Variants in RBFOX1 observed in about 807,000 individuals in gnomAD.
RBFOX1 encodes the protein RNA binding fox-1 homolog 1.
RBFOX1 carries 8 observed loss-of-function variants against 57.7 expected under a neutral mutation model. That is an observed-to-expected ratio of 0.14 (90% CI 0.08 to 0.25). The LOEUF (loss-of-function observed/expected upper bound fraction) is 0.25. Among genes scored for constraint, RBFOX1 ranks in the 10% least tolerant of loss-of-function variants. The probability of loss-of-function intolerance (pLI) is 1.00; values close to 1 mark genes in which losing one functional copy is unlikely to be tolerated. For missense variants in RBFOX1, 611 were observed against 548.5 expected, an observed-to-expected ratio of 1.11 and a Z score of -1.14; for synonymous variants, 326 against 222.4, an observed-to-expected ratio of 1.47 and a Z score of -4.15.
In RBFOX1 at chr16:7,147,268, G is replaced by C. The variant is rs989013051; in HGVS notation, c.27+95170G>C. The stretch of plus-strand genomic sequence containing the variant: ...GATCCGCCCACCTCAGCCTCCCAAA[G>C]TGCTGGGATTACAGGCATGAGCCAC... On this transcript the variant is annotated intron_variant, in intron 4 of 15. Coordinates refer to ENST00000550418, the MANE Select transcript of RBFOX1 (RefSeq NM_018723.4). Among the ~76,000 whole-genome samples, 31 of 151,516 alleles carry C rather than the reference G, an allele frequency of 2.0e-4. No individual in the cohort carries two copies. In the South Asian group the frequency reaches 6.5e-3, roughly 32 times the overall value.
chr16:6,068,314 C>T (rs1230480062), intron 1 of RBFOX1, among the ~76,000 whole-genome samples: 2 of 152,160 alleles, frequency 1.3e-5, no homozygotes, highest in African/African-American at 4.8e-5. Flanking sequence ...ACTAACACAG[C>T]CTTCTGTAAC....
chr16:6,052,421 A>G (rs943423801), intron 1 of RBFOX1, among the ~76,000 whole-genome samples: 5 of 152,104 alleles, frequency 3.3e-5, no homozygotes, highest in Non-Finnish European at 7.3e-5. Flanking sequence ...TTATTTCTTT[A>G]ACGCACAGTT....
intron 3 of RBFOX1, among the ~76,000 whole-genome samples, chr16:7,004,913 G>T (rs1408660621): frequency 6.6e-6 from 1 of 152,126 alleles, no homozygotes; most frequent in Non-Finnish European, 1.5e-5. Context: ...ACTTTGTAAG[G>T]TGGGCCGATC....
At chr16:5,433,191 T>C (rs1193058487) in intron 1 of RBFOX1, among the ~76,000 whole-genome samples, 3 of 152,162 alleles carry the variant, frequency 2.0e-5, no homozygotes, top group East Asian at 3.9e-4. Flanking sequence ...CTGAGGCCCA[T>C]GTTTTTCTTT....
intron 4 of RBFOX1, among the ~76,000 whole-genome samples, chr16:7,219,795 A>G (rs1045312796): frequency 3.3e-5 from 5 of 152,186 alleles, no homozygotes; most frequent in African/African-American, 4.8e-5. Flanking sequence ...TTTGTTCTCT[A>G]TGTTTGTGAT....
chr16:7,404,942 G>C (rs746295049), intron 4 of RBFOX1, among the ~76,000 whole-genome samples: 5 of 152,100 alleles, frequency 3.3e-5, no homozygotes, highest in African/African-American at 9.7e-5. Context: ...GTAGGTCCTC[G>C]TTTCTCATGT....
At chr16:6,681,040 A>G (rs1011613500) in intron 3 of RBFOX1, among the ~76,000 whole-genome samples, 10 of 152,154 alleles carry the variant, frequency 6.6e-5, no homozygotes, top group African/African-American at 2.4e-4. Flanking sequence ...GCTGGGCATG[A>G]TGGCTCACAC....
At chr16:7,630,561 C>T (rs764739994) in intron 10 of RBFOX1, 42 bp from the exon 11 acceptor site, 4 of 1,611,694 alleles carry the variant, frequency 2.5e-6, no homozygotes, top group South Asian at 2.2e-5. Context: ...GTGTAGTGTA[C>T]CGATTCCCAA....
chr16:7,538,971 G>A (rs922796341), intron 5 of RBFOX1, among the ~76,000 whole-genome samples: 1 of 151,442 alleles, frequency 6.6e-6, no homozygotes, highest in African/African-American at 2.4e-5. Flanking sequence ...ACACACTTCA[G>A]TGGTGGCTGA....
rs560504325 is a variant in RBFOX1, at chr16:7,087,061, C to T, written c.27+34963C>T. Among the ~76,000 whole-genome samples, 3 of 152,270 alleles carry T rather than the reference C, an allele frequency of 2.0e-5. No individual in the cohort carries two copies. The South Asian group carries it at 6.2e-4, about 32-fold the overall frequency. On this transcript the variant is annotated intron_variant, in intron 4 of 15. Coordinates refer to ENST00000550418, the MANE Select transcript of RBFOX1 (RefSeq NM_018723.4). ...CGTGGCGTCGGTAGATGGCTGTAGA[C>T]AAGTGTGCTGAGCTGTGCGGTGTGA...
At chr16:5,898,456 G>C (rs1370401558) in intron 4 of RBFOX1, among the ~76,000 whole-genome samples, 1 of 151,452 alleles carries the variant, frequency 6.6e-6, no homozygotes, top group Non-Finnish European at 1.5e-5. Flanking sequence ...CTGGCCTAGA[G>C]AATAATCCAC....
chr16:6,034,468 C>T (rs1035570309), intron 1 of RBFOX1, among the ~76,000 whole-genome samples: 76 of 151,858 alleles, frequency 5.0e-4, no homozygotes, highest in African/African-American at 1.6e-3. Context: ...GAGGGATGCC[C>T]GCTCTGCATC....
At chr16:6,085,517 C>T (rs916727204) in intron 1 of RBFOX1, among the ~76,000 whole-genome samples, 3 of 152,158 alleles carry the variant, frequency 2.0e-5, no homozygotes, top group Non-Finnish European at 2.9e-5. Context: ...GTGATCTGCC[C>T]GCCTCGGCCT....
Position 6,039,149 on chromosome 16 carries a change from C to T in RBFOX1, c.-127+19157C>T, listed in dbSNP as rs191047575. On this transcript the variant is annotated intron_variant, in intron 1 of 15. Coordinates refer to ENST00000550418, the MANE Select transcript of RBFOX1 (RefSeq NM_018723.4). ...CAGTGGGTTGAAATCAGTGGAAAAC[C>T]AGCTGGGATGCATGAGAGGGCATTT... 3.3e-5 allele frequency among the ~76,000 whole-genome samples: 5 copies of T among 151,476 alleles called. No homozygotes were observed. In the East Asian group the frequency reaches 9.8e-4, roughly 30 times the overall value.
chr16:6,693,991 G>T (rs144647322), intron 3 of RBFOX1, among the ~76,000 whole-genome samples: 43 of 152,312 alleles, frequency 2.8e-4, no homozygotes, highest in African/African-American at 1.0e-3. Flanking sequence ...TAACTATAAA[G>T]ATTACTTTGT....
chr16:6,717,126 C>G (rs934004444), intron 3 of RBFOX1, among the ~76,000 whole-genome samples: 9 of 152,108 alleles, frequency 5.9e-5, no homozygotes, highest in African/African-American at 1.9e-4. Context: ...TTCCTAGACT[C>G]TAGAACCGTG....
At position 5,495,863 on chromosome 16, in the gene RBFOX1, C is replaced by T. The variant is rs535180483; in HGVS notation, c.258+28609C>T. 4.0e-4 allele frequency among the ~76,000 whole-genome samples: 61 copies of T among 152,358 alleles called. 1 individual carries two copies. The South Asian group carries it at 7.5e-3, about 19-fold the overall frequency. The stretch of plus-strand genomic sequence containing the variant: ...ATTAAGGGCTGAGCATGGTGGCTCA[C>T]GCCTGTAATCCCGGCACTGTGGGAG... On this transcript the variant is annotated intron_variant, in intron 2 of 2. Transcript: ENST00000585867.
At chr16:6,186,127 T>C (rs186878204) in intron 1 of RBFOX1, among the ~76,000 whole-genome samples, 2 of 152,342 alleles carry the variant, frequency 1.3e-5, no homozygotes, top group Admixed American at 1.3e-4. Context: ...ATTCATTTTT[T>C]TGGCTGTGAT....
At chr16:5,424,146 C>T (rs1276083863) in intron 1 of RBFOX1, among the ~76,000 whole-genome samples, 1 of 152,182 alleles carries the variant, frequency 6.6e-6, no homozygotes, top group Non-Finnish European at 1.5e-5. Flanking sequence ...GGTTAATAAA[C>T]TAAAGAGCTG....
Sources: allele counts gnomAD v4.1 joint callset (sites outside exome capture counted in the v4.1 genomes callset), GRCh38; gene constraint gnomAD v4.1.1; transcripts MANE v1.5; gene names NCBI Gene and HGNC (gene_info 2026-07-23, HGNC 2026-07-21).